Variants in PAK5 observed in about 807,000 individuals in gnomAD.
PAK5 encodes the protein p21 (RAC1) activated kinase 5.
PAK5 carries 16 observed loss-of-function variants against 65.9 expected under a neutral mutation model. The observed-to-expected ratio is 0.24, with a 90% CI of 0.16 to 0.37. The LOEUF is 0.37. PAK5 is among the 10% of genes least tolerant of loss of function. The pLI, the probability that PAK5 is intolerant of heterozygous loss-of-function variation, is 1.00. For synonymous variants in PAK5, 371 were observed against 354.9 expected (o/e 1.05, Z -0.51); for missense variants, 785 against 903.9 (o/e 0.87, Z 1.69).
intron 3 of PAK5, among the ~76,000 whole-genome samples, chr20:9,641,590 CAT>C: frequency 6.6e-6 from 1 of 151,964 alleles, no homozygotes; most frequent in Non-Finnish European, 1.5e-5. Context: ...GGTGCGCTCA[CAT>C]TCCTCAGCCC....
At chr20:9,573,359 C>A (rs1222313344) in intron 4 of PAK5, among the ~76,000 whole-genome samples, 1 of 152,142 alleles carries the variant, frequency 6.6e-6, no homozygotes, top group Non-Finnish European at 1.5e-5. Flanking sequence ...TGTGATGTAT[C>A]AAAATTATAA....
chr20:9,547,214 A>G (rs1179623271), intron 7 of PAK5, among the ~76,000 whole-genome samples: 1 of 152,196 alleles, frequency 6.6e-6, no homozygotes, highest in African/African-American at 2.4e-5. Flanking sequence ...AGAAACGTAT[A>G]TAAAACTTCT....
At chr20:9,677,622 C>A (rs2047592642) in intron 2 of PAK5, among the ~76,000 whole-genome samples, 1 of 152,206 alleles carries the variant, frequency 6.6e-6, no homozygotes, top group South Asian at 2.1e-4. Context: ...GTGTTCTTAA[C>A]CTCATCCAGA....
chr20:9,806,821 TAAGAC>T (rs1171974400), intron 1 of PAK5, among the ~76,000 whole-genome samples: 7 of 152,204 alleles, frequency 4.6e-5, no homozygotes, highest in Admixed American at 4.6e-4. Flanking sequence ...ACTTATGACT[TAAGAC>T]AACATAAATT....
chr20:9,830,332 T>A (rs1162741502), intron 1 of PAK5, among the ~76,000 whole-genome samples: 1 of 152,250 alleles, frequency 6.6e-6, no homozygotes, highest in African/African-American at 2.4e-5. Flanking sequence ...GATTGTTAAG[T>A]TACCTGGACA....
At chr20:9,814,920 T>G (rs1021394025) in intron 1 of PAK5, among the ~76,000 whole-genome samples, 1 of 152,150 alleles carries the variant, frequency 6.6e-6, no homozygotes, top group Non-Finnish European at 1.5e-5. Flanking sequence ...AAGGTTTATT[T>G]GGCTCATGGT....
chr20:9,646,690 T>C (rs537289649), intron 2 of PAK5, among the ~76,000 whole-genome samples: 3 of 152,208 alleles, frequency 2.0e-5, no homozygotes, highest in Admixed American at 6.5e-5. Context: ...TATAATTTGC[T>C]ATGGCCAGTG....
chr20:9,738,150 A>AAAAC (rs776530449), intron 1 of PAK5, among the ~76,000 whole-genome samples: 15 of 152,214 alleles, frequency 9.9e-5, no homozygotes, highest in East Asian at 5.8e-4. Flanking sequence ...TCAAAAACAA[A>AAAAC]AAACAAACAA....
intron 1 of PAK5, among the ~76,000 whole-genome samples, chr20:9,717,013 A>C (rs907038622): frequency 1.3e-5 from 2 of 151,342 alleles, no homozygotes; most frequent in Non-Finnish European, 2.9e-5. Flanking sequence ...TGAACCTGGG[A>C]GGTAGAGGTT....
intron 1 of PAK5, among the ~76,000 whole-genome samples, chr20:9,751,141 A>T (rs1260184777): frequency 1.3e-5 from 2 of 152,204 alleles, no homozygotes; most frequent in Non-Finnish European, 2.9e-5. Flanking sequence ...ATAAATCATT[A>T]CTAATGTATA....
chr20:9,651,686 C>G (rs547046395), intron 2 of PAK5, among the ~76,000 whole-genome samples: 1 of 152,124 alleles, frequency 6.6e-6, no homozygotes, highest in Non-Finnish European at 1.5e-5. Flanking sequence ...TGGATATGCC[C>G]CAGGGGCTTT....
At chr20:9,794,126 A>G (rs989875022) in intron 1 of PAK5, among the ~76,000 whole-genome samples, 1 of 148,606 alleles carries the variant, frequency 6.7e-6, no homozygotes, top group African/African-American at 2.5e-5. Flanking sequence ...GAGTTGAACA[A>G]TGAGAACACA....
At chr20:9,609,528 G>A (rs1168206544) in intron 3 of PAK5, among the ~76,000 whole-genome samples, 1 of 152,158 alleles carries the variant, frequency 6.6e-6, no homozygotes. Flanking sequence ...CAAGGCCTGC[G>A]TTTATGGTGG....
chr20:9,739,822 T>C (rs1220608894), intron 1 of PAK5, among the ~76,000 whole-genome samples: 1 of 152,186 alleles, frequency 6.6e-6, no homozygotes, highest in African/African-American at 2.4e-5. Flanking sequence ...GATAGAAGCA[T>C]ATCTTCTCAC....
At chr20:9,806,070 T>A (rs1352890608) in intron 1 of PAK5, among the ~76,000 whole-genome samples, 1 of 152,172 alleles carries the variant, frequency 6.6e-6, no homozygotes, top group Non-Finnish European at 1.5e-5. Context: ...GTTCAAGCAA[T>A]TCTTGTGCCT....
chr20:9,550,478 C>T (rs1032036905), intron 7 of PAK5, among the ~76,000 whole-genome samples: 1 of 152,148 alleles, frequency 6.6e-6, no homozygotes, highest in Non-Finnish European at 1.5e-5. Flanking sequence ...TCCCACACTC[C>T]ATCTTGGGAA....
At chr20:9,660,292 C>A (rs1244310366) in intron 2 of PAK5, among the ~76,000 whole-genome samples, 3 of 132,224 alleles carry the variant, frequency 2.3e-5, no homozygotes, top group Non-Finnish European at 3.4e-5. Context: ...AAGTGATTTG[C>A]ATTCCAAGCA....
chr20:9,808,219 T>C (rs980448293), intron 1 of PAK5, among the ~76,000 whole-genome samples: 2 of 152,176 alleles, frequency 1.3e-5, no homozygotes, highest in African/African-American at 4.8e-5. Flanking sequence ...TTCCTTACAT[T>C]GTTTGAAAGA....
intron 4 of PAK5, among the ~76,000 whole-genome samples, chr20:9,574,503 G>A (rs2045850927): frequency 6.6e-6 from 1 of 152,160 alleles, no homozygotes; most frequent in Non-Finnish European, 1.5e-5. Context: ...TCGTCTTTGG[G>A]GACTGGTTTG....
Sources: allele counts gnomAD v4.1 joint callset (sites outside exome capture counted in the v4.1 genomes callset), GRCh38; gene constraint gnomAD v4.1.1; transcripts MANE v1.5; gene names NCBI Gene and HGNC (gene_info 2026-07-23, HGNC 2026-07-21).